RAP1A: variants seen among roughly 807,000 people sequenced by gnomAD.
RAP1A encodes ras-related protein Rap-1A.
Under a neutral mutation model 26.4 loss-of-function variants are expected in RAP1A, and 6 were observed. The ratio of observed to expected loss-of-function variants is 0.23; its 90% confidence interval spans 0.12 to 0.45. The LOEUF (loss-of-function observed/expected upper bound fraction) is 0.45, where lower values mean the gene tolerates loss of function less well. Ranked by LOEUF, RAP1A falls within the 20% of genes least tolerant of loss-of-function variation. The pLI, the probability that RAP1A is intolerant of heterozygous loss-of-function variation, is 0.99. For synonymous variants in RAP1A, 73 were observed against 79.4 expected (o/e 0.92, Z 0.43); for missense variants, 121 against 217.2 (o/e 0.56, Z 2.78).
chr1:111,574,879 A>C (rs982770217), intron 1 of RAP1A, among the ~76,000 whole-genome samples: 3 of 152,248 alleles, frequency 2.0e-5, no homozygotes, highest in Admixed American at 6.5e-5. Flanking sequence ...AGAAATAATT[A>C]TGTGATCTGT....
chr1:111,621,860 T>C (rs1298741787), intron 1 of RAP1A, among the ~76,000 whole-genome samples: 1 of 152,186 alleles, frequency 6.6e-6, no homozygotes. Flanking sequence ...TTAAAACAGC[T>C]CAAAAGCCTT....
intron 1 of RAP1A, chr1:111,648,646 C>G (rs1252873405): frequency 3.8e-6 from 2 of 520,452 alleles, no homozygotes; most frequent in Non-Finnish European, 7.2e-6. Flanking sequence ...ACATTTCTCA[C>G]TGAGTCCAGG....
chr1:111,672,309 G>A (rs1475318137), intron 1 of RAP1A, among the ~76,000 whole-genome samples: 1 of 151,950 alleles, frequency 6.6e-6, no homozygotes, highest in African/African-American at 2.4e-5. Context: ...TTATATACAT[G>A]GATTGTCTGA....
chr1:111,619,710 T>G (rs371678874), upstream of RAP1A: 1 of 392,684 alleles, frequency 2.5e-6, no homozygotes, highest in Non-Finnish European at 4.5e-6. Flanking sequence ...AGCCCAGCCA[T>G]CGCCAACTTG....
At chr1:111,666,840 G>A (rs960036461) in intron 1 of RAP1A, among the ~76,000 whole-genome samples, 21 of 152,160 alleles carry the variant, frequency 1.4e-4, no homozygotes, top group African/African-American at 4.8e-4. Context: ...TGCAGGCAAA[G>A]GGAATAGCTT....
At chr1:111,629,002 C>T (rs572132220) in intron 1 of RAP1A, among the ~76,000 whole-genome samples, 18 of 152,076 alleles carry the variant, frequency 1.2e-4, no homozygotes, top group African/African-American at 1.9e-4. Context: ...AGGATATCCT[C>T]GCTTTTAGAC....
At chr1:111,582,279 G>A (rs1323266548) in intron 1 of RAP1A, among the ~76,000 whole-genome samples, 3 of 152,202 alleles carry the variant, frequency 2.0e-5, no homozygotes, top group Non-Finnish European at 2.9e-5. Flanking sequence ...AGGGGCAGAG[G>A]TGGACCACAA....
At chr1:111,697,046 G>T (rs1250872074) in intron 3 of RAP1A, among the ~76,000 whole-genome samples, 1 of 152,082 alleles carries the variant, frequency 6.6e-6, no homozygotes, top group Admixed American at 6.6e-5. Flanking sequence ...TGCGCATTTT[G>T]AGCCATTTAA....
At chr1:111,550,733 A>G (rs1251582298) in intron 1 of RAP1A, among the ~76,000 whole-genome samples, 2 of 152,216 alleles carry the variant, frequency 1.3e-5, no homozygotes, top group African/African-American at 4.8e-5. Flanking sequence ...AGGCTCAAGC[A>G]GTCTTCACAC....
intron 1 of RAP1A, among the ~76,000 whole-genome samples, chr1:111,561,895 A>G (rs942135508): frequency 6.7e-6 from 1 of 148,732 alleles, no homozygotes; most frequent in African/African-American, 2.5e-5. Flanking sequence ...CTTTTTCAAC[A>G]CTCCTCCCCA....
chr1:111,705,535 G>A (rs994533726), intron 6 of RAP1A, among the ~76,000 whole-genome samples: 1 of 152,180 alleles, frequency 6.6e-6, no homozygotes, highest in Non-Finnish European at 1.5e-5. Flanking sequence ...AATCAAGAAT[G>A]CCAAAGCTTG....
At chr1:111,707,721 A>G (rs780691558) in intron 6 of RAP1A, among the ~76,000 whole-genome samples, 2 of 152,220 alleles carry the variant, frequency 1.3e-5, no homozygotes, top group Non-Finnish European at 2.9e-5. Flanking sequence ...CCAAATCATT[A>G]GTAAGTGTTG....
chr1:111,663,239 G>A (rs1184240429), intron 1 of RAP1A, among the ~76,000 whole-genome samples: 1 of 152,100 alleles, frequency 6.6e-6, no homozygotes, highest in East Asian at 1.9e-4. Context: ...ATCAGAGGTT[G>A]TTAATTTGGG....
chr1:111,637,768 G>A (rs891468404), intron 1 of RAP1A, among the ~76,000 whole-genome samples: 1 of 151,938 alleles, frequency 6.6e-6, no homozygotes, highest in African/African-American at 2.4e-5. Flanking sequence ...AAATACTATA[G>A]ATGTATAGTA....
chr1:111,579,789 CATTTATTTATTT>C lies in RAP1A; in HGVS notation c.-28+37309_-28+37320del, dbSNP rs71763753. ...TTTAAAATAAAGTGTTGAATATCTC[CATTTATTTATTT>C]ATTTATTTATTTATTTATTTATTTA... On this transcript the variant is annotated intron_variant, in intron 1 of 7. Coordinates refer to the RAP1A transcript ENST00000356415. Among the ~76,000 whole-genome samples the C allele has an allele frequency of 1.3e-3, 194 of 148,178 alleles. 1 individual carries two copies. Among genetic ancestry groups the C allele is most frequent in the Middle Eastern group, 3.4e-3 (1 of 290 alleles).
chr1:111,561,246 C>T (rs1657724426), intron 1 of RAP1A, among the ~76,000 whole-genome samples: 1 of 152,190 alleles, frequency 6.6e-6, no homozygotes, highest in Admixed American at 6.5e-5. Context: ...ACTTCAGCCT[C>T]CCAAGTAGCT....
chr1:111,580,891 T>C (rs1334397211), intron 1 of RAP1A, among the ~76,000 whole-genome samples: 1 of 148,400 alleles, frequency 6.7e-6, no homozygotes, highest in Non-Finnish European at 1.5e-5. Context: ...AAAAACAGAA[T>C]AGACCCCTAG....
chr1:111,664,606 C>T (rs1426846721), intron 1 of RAP1A, among the ~76,000 whole-genome samples: 1 of 152,088 alleles, frequency 6.6e-6, no homozygotes, highest in African/African-American at 2.4e-5. Context: ...TCAAGAAATA[C>T]ATACAAAGTA....
At chr1:111,575,159 T>C (rs138041967) in intron 1 of RAP1A, among the ~76,000 whole-genome samples, 42 of 151,196 alleles carry the variant, frequency 2.8e-4, no homozygotes, top group East Asian at 7.7e-4. Context: ...TTCTTTCTTT[T>C]TTTTTTTGAG....
Sources: allele counts gnomAD v4.1 joint callset (sites outside exome capture counted in the v4.1 genomes callset), GRCh38; gene constraint gnomAD v4.1.1; transcripts MANE v1.5; gene names NCBI Gene and HGNC (gene_info 2026-07-23, HGNC 2026-07-21).